TNNI3K: variants seen among roughly 807,000 people sequenced by gnomAD.
TNNI3K encodes the protein TNNI3 interacting kinase.
Under a neutral mutation model 114.5 loss-of-function variants are expected in TNNI3K, and 140 were observed. That is an observed-to-expected ratio of 1.22 (90% confidence interval 1.07 to 1.41). The LOEUF (loss-of-function observed/expected upper bound fraction) is 1.41, where lower values mean the gene tolerates loss of function less well. TNNI3K is among the 40% of genes most tolerant of loss of function. The pLI is 0.00. For missense variants in TNNI3K, 1,125 were observed against 1,007.6 expected (o/e 1.12, Z -1.58); for synonymous variants, 347 against 347.5 (o/e 1.00, Z 0.02).
At chr1:74,336,941 G>T (rs1660502258) in intron 7 of TNNI3K, among the ~76,000 whole-genome samples, 1 of 151,992 alleles carries the variant, frequency 6.6e-6, no homozygotes, top group African/African-American at 2.4e-5. Context: ...TTCCACAATG[G>T]TTGAACTAGT....
At chr1:74,408,860 G>A (rs563550999) in intron 17 of TNNI3K, among the ~76,000 whole-genome samples, 1 of 152,082 alleles carries the variant, frequency 6.6e-6, no homozygotes. Context: ...AAGACATTTT[G>A]TTGTACTATT....
intron 17 of TNNI3K, among the ~76,000 whole-genome samples, chr1:74,423,455 C>T (rs1162869456): frequency 6.6e-6 from 1 of 152,088 alleles, no homozygotes; most frequent in Non-Finnish European, 1.5e-5. Context: ...CCTGTCAAAG[C>T]ATATGTGGAG....
intron 17 of TNNI3K, among the ~76,000 whole-genome samples, chr1:74,396,135 G>A (rs1418301990): frequency 6.6e-6 from 1 of 152,162 alleles, no homozygotes. Flanking sequence ...TAACATGCTT[G>A]CCCCATCTCA....
intron 5 of TNNI3K, among the ~76,000 whole-genome samples, chr1:74,300,397 G>A (rs1658251794): frequency 6.6e-6 from 1 of 151,996 alleles, no homozygotes; most frequent in Non-Finnish European, 1.5e-5. Flanking sequence ...TAATTTTTAG[G>A]GTTTTATTTA....
chr1:74,351,792 T>G (rs888509283), intron 9 of TNNI3K, among the ~76,000 whole-genome samples: 3 of 152,214 alleles, frequency 2.0e-5, no homozygotes, highest in African/African-American at 7.2e-5. Context: ...GTCACGTAGT[T>G]TTCGTGCCAT....
chr1:74,378,650 ATCACCT>A (rs1663046636), intron 17 of TNNI3K: 1 of 111,950 alleles, frequency 8.9e-6, no homozygotes, highest in Non-Finnish European at 1.8e-5. Flanking sequence ...ATTTCATTTC[ATCACCT>A]CAGCTAATCC....
At chr1:74,513,934 A>G (rs1646307502) in intron 23 of TNNI3K, among the ~76,000 whole-genome samples, 1 of 152,184 alleles carries the variant, frequency 6.6e-6, no homozygotes, top group African/African-American at 2.4e-5. Flanking sequence ...TTGTTTTTCT[A>G]TAGACTAAGG....
At chr1:74,428,250 T>C (rs866793976) in intron 17 of TNNI3K, among the ~76,000 whole-genome samples, 2 of 152,228 alleles carry the variant, frequency 1.3e-5, no homozygotes, top group Middle Eastern at 3.4e-3. Context: ...ATGTTTAAGA[T>C]CTGTGTATTG....
At chr1:74,489,374 G>T in intron 22 of TNNI3K, 126 bp downstream of exon 22, 1 of 914,184 alleles carries the variant, frequency 1.1e-6, no homozygotes, top group Non-Finnish European at 1.6e-6. Flanking sequence ...ATCCATATTT[G>T]CCCTATTCAT....
chr1:74,318,983 A>G (rs1324642312), intron 5 of TNNI3K, among the ~76,000 whole-genome samples: 2 of 152,254 alleles, frequency 1.3e-5, no homozygotes, highest in Non-Finnish European at 1.5e-5. Context: ...TTATTGTTAT[A>G]TAAAACATCA....
chr1:74,526,094 G>A (rs1281752115), intron 23 of TNNI3K, among the ~76,000 whole-genome samples: 1 of 152,158 alleles, frequency 6.6e-6, no homozygotes, highest in East Asian at 1.9e-4. Context: ...CCTCCTTAGG[G>A]TATTTCAAAT....
chr1:74,487,014 G>C (rs991017864), intron 21 of TNNI3K, among the ~76,000 whole-genome samples: 2 of 152,136 alleles, frequency 1.3e-5, no homozygotes, highest in East Asian at 3.9e-4. Flanking sequence ...GATTGCAAAT[G>C]GGAGAAGGGG....
chr1:74,268,586 TA>T (rs1157148559), intron 4 of TNNI3K, among the ~76,000 whole-genome samples: 1 of 1,222 alleles, frequency 8.2e-4, no homozygotes, highest in Admixed American at 0.022. Context: ...ATCAAATCAA[TA>T]TTTTATTTGG....
At position 74,518,826 on chromosome 1, in the gene TNNI3K, A is replaced by G. The variant is rs535183986; in HGVS notation, c.2352-21408A>G. Among the ~76,000 whole-genome samples the G allele has an allele frequency of 1.1e-4, 16 of 151,456 alleles. 1 individual carries two copies. The South Asian group carries it at 2.7e-3, about 26-fold the overall frequency. On this transcript the variant is annotated intron_variant, in intron 23 of 24. Coordinates refer to ENST00000326637, the MANE Select transcript of TNNI3K (RefSeq NM_015978.3). ...TAAGGAGTATTTAGTCTTCAATTTA[A>G]AACAAATTACCTTACTTTATTTTTT...
chr1:74,492,579 G>A (rs1004907281), intron 23 of TNNI3K, among the ~76,000 whole-genome samples: 2 of 152,132 alleles, frequency 1.3e-5, no homozygotes, highest in African/African-American at 2.4e-5. Flanking sequence ...GAATTCCTGT[G>A]TGGAAACCAG....
At chr1:74,538,603 G>C (rs180785207) in intron 23 of TNNI3K, among the ~76,000 whole-genome samples, 182 of 152,258 alleles carry the variant, frequency 1.2e-3, no homozygotes, top group African/African-American at 4.2e-3. Context: ...ATGTGATAGA[G>C]AGTGGCCATG....
At chr1:74,438,429 A>G (rs1454376041) in intron 19 of TNNI3K, among the ~76,000 whole-genome samples, 1 of 152,118 alleles carries the variant, frequency 6.6e-6, no homozygotes, top group Non-Finnish European at 1.5e-5. Flanking sequence ...AGATTTTGGT[A>G]AGAGTGATAA....
At chr1:74,427,678 G>A (rs1665703106) in intron 17 of TNNI3K, among the ~76,000 whole-genome samples, 1 of 151,838 alleles carries the variant, frequency 6.6e-6, no homozygotes, top group African/African-American at 2.4e-5. Context: ...TACCTTGATC[G>A]TCACTTCAGC....
intron 17 of TNNI3K, chr1:74,372,163 T>C (rs535206919): frequency 2.0e-5 from 3 of 151,182 alleles, no homozygotes; most frequent in East Asian, 3.9e-4. Flanking sequence ...ATATAAACTA[T>C]TGATTGGTTG....
Sources: allele counts gnomAD v4.1 joint callset (sites outside exome capture counted in the v4.1 genomes callset), GRCh38; gene constraint gnomAD v4.1.1; transcripts MANE v1.5; gene names NCBI Gene and HGNC (gene_info 2026-07-23, HGNC 2026-07-21).